PTK2: variants seen among roughly 807,000 people sequenced by gnomAD.
PTK2 encodes focal adhesion kinase 1.
In PTK2, 45 loss-of-function variants were observed where a neutral mutation model predicts 150.1. The observed-to-expected ratio is 0.30, with a 90% CI of 0.24 to 0.38. The LOEUF (loss-of-function observed/expected upper bound fraction) is 0.38. PTK2 is among the 10% of genes least tolerant of loss of function. PTK2 has a pLI of 1.00. For missense variants in PTK2, 919 were observed against 1,307.3 expected (o/e 0.70, Z 4.58); for synonymous variants, 432 against 449.2 (o/e 0.96, Z 0.48).
intron 2 of PTK2, chr8:140,892,711 A>G (rs2100154643): frequency 2.6e-6 from 1 of 379,132 alleles, no homozygotes; most frequent in Non-Finnish European, 5.0e-6. Context: ...CAAAAACACA[A>G]AAGAAAAACA....
At chr8:140,873,513 T>C (rs2100143791) in intron 4 of PTK2, among the ~76,000 whole-genome samples, 1 of 152,198 alleles carries the variant, frequency 6.6e-6, no homozygotes, top group African/African-American at 2.4e-5. Flanking sequence ...TCGCCTAGGC[T>C]GGAGTGGAGT....
chr8:140,928,344 T>C (rs1439398786), intron 1 of PTK2, among the ~76,000 whole-genome samples: 1 of 152,170 alleles, frequency 6.6e-6, no homozygotes, highest in African/African-American at 2.4e-5. Context: ...GAAACCCTTG[T>C]GTATTGTTGG....
At chr8:140,793,588 T>C (rs976659712) in intron 12 of PTK2, among the ~76,000 whole-genome samples, 1 of 152,210 alleles carries the variant, frequency 6.6e-6, no homozygotes, top group African/African-American at 2.4e-5. Flanking sequence ...TTAGATACAA[T>C]TGTTTAAAGG....
At chr8:140,670,488 A>AACAAC (rs2095015323) in intron 29 of PTK2, among the ~76,000 whole-genome samples, 1 of 38,944 alleles carries the variant, frequency 2.6e-5, no homozygotes, top group African/African-American at 7.6e-5. Context: ...AAAAAACAAC[A>AACAAC]ACACACACAC....
chr8:140,980,664 C>T (rs773915265), intron 1 of PTK2, among the ~76,000 whole-genome samples: 6 of 151,360 alleles, frequency 4.0e-5, no homozygotes, highest in Non-Finnish European at 5.9e-5. Flanking sequence ...AGACAAAACA[C>T]GAAGAAATGG....
At chr8:140,813,014 A>T (rs1466920799) in intron 10 of PTK2, among the ~76,000 whole-genome samples, 4 of 152,332 alleles carry the variant, frequency 2.6e-5, no homozygotes, top group Non-Finnish European at 5.9e-5. Flanking sequence ...TTTGAATTCA[A>T]CATTGGATCA....
At chr8:140,844,231 G>A (rs1598322365) in intron 7 of PTK2, among the ~76,000 whole-genome samples, 1 of 152,182 alleles carries the variant, frequency 6.6e-6, no homozygotes, top group Non-Finnish European at 1.5e-5. Context: ...TGACCACCTG[G>A]CTAAGGTCAT....
chr8:140,915,253 G>A (rs989365418), intron 2 of PTK2, among the ~76,000 whole-genome samples: 6 of 152,074 alleles, frequency 3.9e-5, no homozygotes, highest in African/African-American at 1.2e-4. Flanking sequence ...GATGGCAGGA[G>A]GATGAGTCCA....
At chr8:140,718,603 G>A (rs2100041082) in intron 22 of PTK2, 1 of 152,174 alleles carries the variant, frequency 6.6e-6, no homozygotes, top group African/African-American at 2.4e-5. Flanking sequence ...CTGGTAGATA[G>A]TGTGCAGTAA....
At chr8:140,738,887 G>C (rs1349090274) in intron 21 of PTK2, 131 bp downstream of exon 24, 1 of 477,984 alleles carries the variant, frequency 2.1e-6, no homozygotes, top group African/African-American at 2.0e-5. Context: ...TGAATCAAAA[G>C]AAGTCTGATG....
intron 1 of PTK2, among the ~76,000 whole-genome samples, chr8:140,931,099 A>C (rs1209663163): frequency 2.0e-5 from 3 of 151,690 alleles, no homozygotes; most frequent in Non-Finnish European, 4.4e-5. Context: ...AAAAAGAAAA[A>C]GAGAAAATTA....
At chr8:140,971,252 A>G (rs536567120) in intron 1 of PTK2, among the ~76,000 whole-genome samples, 1 of 152,242 alleles carries the variant, frequency 6.6e-6, no homozygotes, top group Non-Finnish European at 1.5e-5. Flanking sequence ...TTGCTGCACA[A>G]ATTTACAAAA....
At chr8:140,804,288 A>G (rs1230766326) in intron 10 of PTK2, among the ~76,000 whole-genome samples, 1 of 150,932 alleles carries the variant, frequency 6.6e-6, no homozygotes, top group Non-Finnish European at 1.5e-5. Context: ...TCTCCTTCTT[A>G]AAAAGAAAAA....
rs1278429176 is a variant in PTK2 at position 140,769,654 on chromosome 8, A to C, written c.1178-5364T>G. 2.6e-6 allele frequency: 3 copies of C among 1,173,112 alleles called. No individual in the cohort carries two copies. In the African/African-American group the frequency reaches 4.7e-5, roughly 18 times the overall value. 72.7% of individuals were successfully genotyped at this position (1,173,112 alleles called of 1,614,324 possible). A position where few individuals can be genotyped will look rare whatever the true frequency, so the allele number is the denominator to read the frequency against. On this transcript the variant is annotated intron_variant, in intron 14 of 31. Coordinates refer to ENST00000522684, the Ensembl canonical transcript of PTK2. ...GGGAACAGAGGGAGGGAGACATAGG[A>C]AGGAGAAGAGGGAAGAGAGGGGAAA...
chr8:140,784,394 T>G (rs1477324176), intron 14 of PTK2, among the ~76,000 whole-genome samples: 1 of 152,082 alleles, frequency 6.6e-6, no homozygotes, highest in African/African-American at 2.4e-5. Context: ...AATTAAGGTT[T>G]TACTGCTTGA....
intron 29 of PTK2, among the ~76,000 whole-genome samples, chr8:140,671,646 G>A (rs1209646872): frequency 6.6e-6 from 1 of 151,712 alleles, no homozygotes; most frequent in East Asian, 1.9e-4. Flanking sequence ...GGGTGCGGTG[G>A]CTCATGCCTG....
chr8:140,882,993 T>C (rs907015431), intron 3 of PTK2, among the ~76,000 whole-genome samples: 1 of 152,204 alleles, frequency 6.6e-6, no homozygotes. Context: ...TATTTTACTG[T>C]TGTTATGATG....
At chr8:140,918,772 T>C (rs2100166282) in intron 2 of PTK2, among the ~76,000 whole-genome samples, 1 of 152,242 alleles carries the variant, frequency 6.6e-6, no homozygotes, top group African/African-American at 2.4e-5. Context: ...ATGTGACTGA[T>C]AAAATCAAAT....
At chr8:140,755,951 G>A (rs2100065452) in intron 16 of PTK2, among the ~76,000 whole-genome samples, 2 of 152,122 alleles carry the variant, frequency 1.3e-5, no homozygotes, top group Admixed American at 1.3e-4. Context: ...AAACTTAAGA[G>A]AAATGAACAG....
Sources: gnomAD v4.1 joint callset for allele counts (sites outside exome capture counted in the v4.1 genomes callset) on GRCh38, gnomAD v4.1.1 for gene constraint, MANE v1.5 for transcripts, NCBI Gene and HGNC (gene_info 2026-07-23, HGNC 2026-07-21) for gene names.